WWOX: variants seen among roughly 807,000 people sequenced by gnomAD.
WWOX encodes WW domain containing oxidoreductase.
WWOX carries 69 observed loss-of-function variants against 46.2 expected under a neutral mutation model. The observed-to-expected ratio is 1.49, with a 90% confidence interval of 1.23 to 1.82. The LOEUF is 1.82. WWOX is among the 40% of genes most tolerant of loss of function. WWOX has a pLI of 0.00. For missense variants in WWOX, 919 were observed against 542.6 expected (o/e 1.69, Z -6.89); for synonymous variants, 359 against 202.6 (o/e 1.77, Z -6.56).
At chr16:78,621,684 G>A (rs955774241) in intron 8 of WWOX, among the ~76,000 whole-genome samples, 6 of 131,724 alleles carry the variant, frequency 4.6e-5, no homozygotes, top group African/African-American at 1.4e-4. Flanking sequence ...GGCTCACCAC[G>A]AGCTCTGCGT....
At chr16:79,204,332 C>G (rs985512901) in intron 8 of WWOX, 2 of 152,078 alleles carry the variant, frequency 1.3e-5, no homozygotes, top group African/African-American at 2.4e-5. Flanking sequence ...TGGGCAGGCA[C>G]AAATGGAAGA....
At chr16:78,131,293 G>A (rs1035893642) in intron 4 of WWOX, among the ~76,000 whole-genome samples, 1 of 152,102 alleles carries the variant, frequency 6.6e-6, no homozygotes, top group African/African-American at 2.4e-5. Flanking sequence ...GCTCACTGTA[G>A]CCTCTCCCTC....
chr16:78,416,584 C>T (rs572382794), intron 6 of WWOX, among the ~76,000 whole-genome samples: 10 of 152,158 alleles, frequency 6.6e-5, no homozygotes, highest in Non-Finnish European at 1.5e-4. Flanking sequence ...TAGCAAGTTC[C>T]TTGGTTTGCT....
At chr16:78,521,872 C>G (rs74029521) in intron 8 of WWOX, among the ~76,000 whole-genome samples, 6,527 of 151,838 alleles carry the variant, frequency 0.043, 478 homozygotes, top group African/African-American at 0.15. Flanking sequence ...TGGGGTGGCT[C>G]ATAGGAGAAG....
At chr16:79,028,088 C>G (rs1374289548) in intron 8 of WWOX, among the ~76,000 whole-genome samples, 2 of 151,682 alleles carry the variant, frequency 1.3e-5, no homozygotes, top group African/African-American at 2.4e-5. Context: ...GTAGCTGAGA[C>G]TACAGGCACC....
intron 6 of WWOX, among the ~76,000 whole-genome samples, chr16:78,401,687 CATACA>C: frequency 6.6e-6 from 1 of 152,096 alleles, no homozygotes; most frequent in South Asian, 2.1e-4. Flanking sequence ...ACATAATTTA[CATACA>C]ATACAATTCC....
At chr16:78,270,878 C>A (rs368991574) in intron 5 of WWOX, among the ~76,000 whole-genome samples, 3 of 152,082 alleles carry the variant, frequency 2.0e-5, no homozygotes, top group Admixed American at 1.3e-4. Context: ...ATACGTGGCC[C>A]GAAGATGAAG....
At chr16:78,969,041 C>A (rs2046418367) in intron 8 of WWOX, among the ~76,000 whole-genome samples, 1 of 152,110 alleles carries the variant, frequency 6.6e-6, no homozygotes, top group Admixed American at 6.5e-5. Flanking sequence ...AGCTACCAGG[C>A]TCCAGTGGCC....
chr16:78,653,583 G>A (rs1482854992), intron 8 of WWOX, among the ~76,000 whole-genome samples: 1 of 152,234 alleles, frequency 6.6e-6, no homozygotes, highest in Non-Finnish European at 1.5e-5. Flanking sequence ...CTGGACACTG[G>A]CGCAGCCTGG....
chr16:78,368,701 C>T (rs1470741274), intron 5 of WWOX, among the ~76,000 whole-genome samples: 2 of 152,238 alleles, frequency 1.3e-5, no homozygotes, highest in African/African-American at 2.4e-5. Flanking sequence ...CCCCTCCCCC[C>T]TCTAATGCTG....
At chr16:78,546,687 G>C (rs570404272) in intron 8 of WWOX, among the ~76,000 whole-genome samples, 23 of 152,316 alleles carry the variant, frequency 1.5e-4, no homozygotes, top group Non-Finnish European at 2.1e-4. Context: ...CTAGGAATCA[G>C]TGTGTTTAAG....
rs142735340 is a variant in WWOX, at chr16:78,894,909, A to G, written c.1057-316699A>G. Among the ~76,000 whole-genome samples the G allele has an allele frequency of 7.2e-5, 11 of 152,304 alleles. No individual in the cohort carries two copies. In the East Asian group the frequency reaches 1.9e-3, roughly 27 times the overall value. ...TTCTCGGAATTTTCAATCAGAAATT[A>G]TCTGATGACGGGACTAATTCTTATT... is the stretch of plus-strand genomic sequence containing the variant. On this transcript the variant is annotated intron_variant, in intron 8 of 8. Coordinates refer to ENST00000566780, the MANE Select transcript of WWOX (RefSeq NM_016373.4).
At chr16:78,374,527 A>ATT (rs541225697) in intron 5 of WWOX, among the ~76,000 whole-genome samples, 55 of 70,894 alleles carry the variant, frequency 7.8e-4, no homozygotes, top group Non-Finnish European at 1.1e-3. Flanking sequence ...TCTGTCTTGA[A>ATT]TTTTTTTTTT....
chr16:78,790,847 C>T (rs62038601), intron 8 of WWOX, among the ~76,000 whole-genome samples: 2 of 151,314 alleles, frequency 1.3e-5, no homozygotes, highest in East Asian at 3.9e-4. Context: ...GGTGAAACCT[C>T]ATTTCTACAA....
chr16:78,405,208 T>C (rs145570696), intron 6 of WWOX, among the ~76,000 whole-genome samples: 1,584 of 152,284 alleles, frequency 0.01, 26 homozygotes, highest in African/African-American at 0.036. Context: ...CTATAAGAAG[T>C]TGCAAATGGT....
At chr16:78,451,102 T>C (rs1054325228) in intron 8 of WWOX, among the ~76,000 whole-genome samples, 1 of 152,204 alleles carries the variant, frequency 6.6e-6, no homozygotes, top group Non-Finnish European at 1.5e-5. Context: ...CATTATCTCA[T>C]TGCCAAGCTA....
chr16:79,203,625 C>T (rs896278400), intron 8 of WWOX: 1 of 151,924 alleles, frequency 6.6e-6, no homozygotes, highest in Non-Finnish European at 1.5e-5. Context: ...TCCTGAAATC[C>T]TCCCTGCTCA....
In WWOX at chr16:79,020,987, C is replaced by T. The variant is rs377150081; in HGVS notation, c.1057-190621C>T. Among the ~76,000 whole-genome samples, 23 of 152,152 alleles carry T rather than the reference C, an allele frequency of 1.5e-4. 1 individual carries two copies. In the East Asian group the frequency reaches 3.3e-3, roughly 22 times the overall value. ...AAATTGTGGGTAGCTAAATAGGTCA[C>T]CCCAAGTTATTCAGCATGGGTGGAA... On this transcript the variant is annotated intron_variant, in intron 8 of 8. Transcript: ENST00000566780.
intron 5 of WWOX, among the ~76,000 whole-genome samples, chr16:78,378,343 A>G (rs917030516): frequency 1.3e-5 from 2 of 152,164 alleles, no homozygotes; most frequent in Non-Finnish European, 2.9e-5. Context: ...AGGCTTGGCA[A>G]AGATGGGTCA....
Sources: allele counts gnomAD v4.1 joint callset (sites outside exome capture counted in the v4.1 genomes callset), GRCh38; gene constraint gnomAD v4.1.1; transcripts MANE v1.5; gene names NCBI Gene and HGNC (gene_info 2026-07-23, HGNC 2026-07-21).